Variants in HDAC9 observed in about 807,000 individuals in gnomAD.
The protein encoded by HDAC9 is histone deacetylase 9, also known as MEF-2 interacting transcription repressor (MITR) protein.
A neutral mutation model predicts 139.4 loss-of-function variants in HDAC9; 41 were observed. The observed-to-expected ratio is 0.29, with a 90% CI of 0.23 to 0.38. The LOEUF (loss-of-function observed/expected upper bound fraction) is 0.38. Among genes scored for constraint, HDAC9 ranks in the 10% least tolerant of loss-of-function variants. The pLI is 1.00. For missense variants in HDAC9, 1,147 were observed against 1,297.0 expected (o/e 0.88, Z 1.78); for synonymous variants, 517 against 476.2 (o/e 1.09, Z -1.12).
chr7:18,484,020 C>G (rs1012798971), intron 1 of HDAC9, among the ~76,000 whole-genome samples: 2 of 151,824 alleles, frequency 1.3e-5, no homozygotes. Flanking sequence ...AAAAAGGGTA[C>G]TTTAGTTTTA....
chr7:18,548,368 G>A (rs994692780), intron 2 of HDAC9, among the ~76,000 whole-genome samples: 1 of 152,152 alleles, frequency 6.6e-6, no homozygotes, highest in Non-Finnish European at 1.5e-5. Flanking sequence ...ACAAAAATTT[G>A]ATAGAGACAT....
At chr7:18,426,324 A>G (rs572423405) in intron 1 of HDAC9, among the ~76,000 whole-genome samples, 2 of 152,320 alleles carry the variant, frequency 1.3e-5, no homozygotes, top group South Asian at 4.1e-4. Context: ...GTGAGCTTTC[A>G]TGTAAGTGGC....
chr7:18,930,348 T>C (rs1585336385), intron 22 of HDAC9, among the ~76,000 whole-genome samples: 18 of 152,178 alleles, frequency 1.2e-4, no homozygotes, highest in Admixed American at 1.2e-3. Flanking sequence ...TACTGTCAAA[T>C]GTAGGATGAG....
At chr7:18,299,784 G>A (rs187367754) in intron 1 of HDAC9, among the ~76,000 whole-genome samples, 11 of 152,260 alleles carry the variant, frequency 7.2e-5, no homozygotes, top group Non-Finnish European at 1.2e-4. Flanking sequence ...TCATTCAGGG[G>A]CTCTGCAATG....
At chr7:18,930,219 T>C (rs1436101400) in intron 22 of HDAC9, among the ~76,000 whole-genome samples, 1 of 152,024 alleles carries the variant, frequency 6.6e-6, no homozygotes, top group African/African-American at 2.4e-5. Context: ...GGTACCATGG[T>C]ATAGGAACAC....
At chr7:18,593,050 A>G (rs148198567) in intron 5 of HDAC9, among the ~76,000 whole-genome samples, 2 of 152,252 alleles carry the variant, frequency 1.3e-5, no homozygotes, top group African/African-American at 4.8e-5. Context: ...GTAGAGTCCA[A>G]CTGCAGATAA....
intron 2 of HDAC9, among the ~76,000 whole-genome samples, chr7:18,199,146 CAGTT>C (rs1419205053): frequency 1.3e-5 from 2 of 152,206 alleles, no homozygotes; most frequent in Non-Finnish European, 2.9e-5. Flanking sequence ...GGACAACTAA[CAGTT>C]AAGAGTTTTC....
chr7:18,725,997 G>A (rs1227040892), intron 12 of HDAC9, among the ~76,000 whole-genome samples: 4 of 152,148 alleles, frequency 2.6e-5, no homozygotes, highest in Non-Finnish European at 5.9e-5. Flanking sequence ...ATTCTGTAGA[G>A]CAAAACAGAA....
intron 1 of HDAC9, among the ~76,000 whole-genome samples, chr7:18,368,866 A>G (rs1015113553): frequency 5.9e-5 from 9 of 152,088 alleles, no homozygotes. Context: ...TGAACTCACT[A>G]TGTAGGCCAC....
At chr7:18,288,320 A>G (rs1003428702), upstream of HDAC9, among the ~76,000 whole-genome samples, 7 of 152,234 alleles carry the variant, frequency 4.6e-5, no homozygotes, top group Admixed American at 1.3e-4. Context: ...TTTACCATCT[A>G]TAATTTGCCT....
intron 21 of HDAC9, among the ~76,000 whole-genome samples, chr7:18,854,301 G>T (rs1351668601): frequency 1.3e-5 from 2 of 152,100 alleles, no homozygotes; most frequent in African/African-American, 4.8e-5. Flanking sequence ...GAAATGCTTA[G>T]CTCTATCTGC....
intron 11 of HDAC9, among the ~76,000 whole-genome samples, chr7:18,658,888 GAAAAAAAAAGCAAAA>G (rs1379564840): frequency 1.6e-5 from 1 of 63,420 alleles, no homozygotes; most frequent in Non-Finnish European, 3.2e-5. Flanking sequence ...TTATTTAAAA[GAAAAAAAAAGCAAAA>G]AAAAAAAAAA....
intron 6 of HDAC9, among the ~76,000 whole-genome samples, chr7:18,606,021 C>A (rs540637340): frequency 6.0e-4 from 92 of 152,206 alleles, no homozygotes; most frequent in African/African-American, 2.1e-3. Context: ...CACATTCAGC[C>A]TCCAGCAATT....
At chr7:18,734,539 A>G (rs1177350924) in intron 13 of HDAC9, among the ~76,000 whole-genome samples, 1 of 152,102 alleles carries the variant, frequency 6.6e-6, no homozygotes, top group Non-Finnish European at 1.5e-5. Flanking sequence ...TTCCAGCTTC[A>G]TCCGTGTCCC....
chr7:18,833,756 A>G (rs752426076), intron 19 of HDAC9, among the ~76,000 whole-genome samples: 3 of 152,158 alleles, frequency 2.0e-5, no homozygotes, highest in Non-Finnish European at 2.9e-5. Flanking sequence ...TTAATTTTGG[A>G]TATGTGTACC....
In HDAC9 at chr7:18,863,427, CAT is replaced by C. The variant is rs1798258574; in HGVS notation, c.2685-11049_2685-11048del. 2.0e-5 allele frequency among the ~76,000 whole-genome samples: 3 copies of C among 152,168 alleles called. No individual in the cohort carries two copies. In the South Asian group the frequency reaches 6.2e-4, roughly 32 times the overall value. On this transcript the variant is annotated intron_variant, in intron 21 of 25. Transcript: ENST00000686413. ...CACAAATTCGTAAACTTTCTTAAAA[CAT>C]AATGTTTTTGTTTTTGGATTTTATT...
In HDAC9 at chr7:18,733,248, T is replaced by C. The variant is rs1424596825; in HGVS notation, c.1909+5491T>C. ...ATACACATATATACATGTGTATATA[T>C]GTATATAATGTATATATACACAGGT... On this transcript the variant is annotated intron_variant, in intron 13 of 25. Coordinates refer to ENST00000686413, the MANE Select transcript of HDAC9 (RefSeq NM_178425.4). Among the ~76,000 whole-genome samples, 4 of 148,164 alleles carry C rather than the reference T, an allele frequency of 2.7e-5. No homozygotes were observed. In the East Asian group the frequency reaches 8.1e-4, roughly 30 times the overall value.
At chr7:18,603,306 A>AT (rs1373088017) in intron 6 of HDAC9, among the ~76,000 whole-genome samples, 1 of 152,110 alleles carries the variant, frequency 6.6e-6, no homozygotes, top group African/African-American at 2.4e-5. Context: ...GATCATTAAT[A>AT]TAATTAGATT....
intron 1 of HDAC9, among the ~76,000 whole-genome samples, chr7:18,141,273 T>C (rs900084529): frequency 6.6e-6 from 1 of 152,190 alleles, no homozygotes; most frequent in African/African-American, 2.4e-5. Context: ...TTAAAAAACA[T>C]TTTTTCCCTT....
Sources: allele counts gnomAD v4.1 joint callset (sites outside exome capture counted in the v4.1 genomes callset), GRCh38; gene constraint gnomAD v4.1.1; transcripts MANE v1.5; gene names NCBI Gene and HGNC (gene_info 2026-07-23, HGNC 2026-07-21).